SCN11A: variants seen among roughly 807,000 people sequenced by gnomAD.
The protein encoded by SCN11A is sodium voltage-gated channel alpha subunit 11, also known as sodium channel protein type 11 subunit alpha.
SCN11A carries 122 observed loss-of-function variants against 162.2 expected under a neutral mutation model. The ratio of observed to expected loss-of-function variants is 0.75; its 90% CI spans 0.65 to 0.87. The LOEUF (loss-of-function observed/expected upper bound fraction) is 0.87. Among genes scored for constraint, SCN11A ranks in the 40% least tolerant of loss-of-function variants. The pLI, the probability that SCN11A is intolerant of heterozygous loss-of-function variation, is 0.00. For synonymous variants in SCN11A, 758 were observed against 751.5 expected (o/e 1.01, Z -0.14); for missense variants, 2,015 against 2,181.6 (o/e 0.92, Z 1.52).
intron 11 of SCN11A, among the ~76,000 whole-genome samples, chr3:38,918,332 T>C (rs2065993226): frequency 6.6e-6 from 1 of 152,314 alleles, no homozygotes; most frequent in South Asian, 2.1e-4. Context: ...TGCTAGGAAC[T>C]AGGCTGTACA....
At chr3:39,025,890 G>C (rs1037827111) in intron 2 of SCN11A, 2 of 152,124 alleles carry the variant, frequency 1.3e-5, no homozygotes, top group Non-Finnish European at 2.9e-5. Context: ...AAACGCTTCT[G>C]ACAGTTCTAT....
intron 21 of SCN11A, among the ~76,000 whole-genome samples, chr3:38,883,613 C>T (rs1406870416): frequency 6.6e-6 from 1 of 152,140 alleles, no homozygotes; most frequent in African/African-American, 2.4e-5. Flanking sequence ...GTTCTGAGCC[C>T]AGGTCTTGAA....
At chr3:38,867,295 CA>C in intron 27 of SCN11A, 25 bp downstream of exon 27, 2 of 1,600,498 alleles carry the variant, frequency 1.2e-6, no homozygotes, top group South Asian at 2.3e-5. Context: ...ATAAAATTAC[CA>C]AATCAAGACA....
intron 2 of SCN11A, among the ~76,000 whole-genome samples, chr3:38,997,492 CTTTATT>C (rs1575352401): frequency 3.3e-5 from 5 of 152,332 alleles, no homozygotes; most frequent in African/African-American, 1.2e-4. Flanking sequence ...TCATGCTATG[CTTTATT>C]TTTATTTTTC....
intron 15 of SCN11A, 101 bp from the exon 16 acceptor site, chr3:38,904,204 G>C: frequency 1.5e-6 from 1 of 674,210 alleles, no homozygotes; most frequent in Non-Finnish European, 2.5e-6. Flanking sequence ...AGGGCCTCCT[G>C]ATACATGATC....
chr3:38,968,671 C>T (rs1346935777), intron 2 of SCN11A, among the ~76,000 whole-genome samples: 1 of 152,092 alleles, frequency 6.6e-6, no homozygotes, highest in East Asian at 1.9e-4. Context: ...CACACAAGCA[C>T]ACACATACAC....
chr3:38,913,377 A>T (rs2065913065), intron 11 of SCN11A, among the ~76,000 whole-genome samples: 1 of 152,124 alleles, frequency 6.6e-6, no homozygotes, highest in African/African-American at 2.4e-5. Flanking sequence ...TGAATATCAG[A>T]CCTTTAACAG....
chr3:38,945,606 C>CTGCAGGTGCATCTATCTTCTGACT lies in SCN11A; in HGVS notation c.387-118_387-95dup, dbSNP rs2066505181. The CTGCAGGTGCATCTATCTTCTGACT allele has an allele frequency of 8.4e-5, 59 of 702,184 alleles. No homozygotes were observed. The East Asian group carries it at 1.7e-3, about 20-fold the overall frequency. 43.5% of individuals were successfully genotyped at this position (702,184 alleles called of 1,614,324 possible). ...GGGGTGCCCCTGATGGTCCCCTTTT[C>CTGCAGGTGCATCTATCTTCTGACT]TGCAGGTGCATCTATCTTCTGACTG... On this transcript the variant is annotated intron_variant, in intron 6 of 29. Transcript: ENST00000302328.
rs1559580407 is a variant in SCN11A, at chr3:39,032,516, A to G, written c.-403-13T>C. ...GCACTGGGACAATCTGAAAACAACA[A>G]CAACAACAAAAAAAACAAGCTTTAT... On this transcript the variant is annotated splice_polypyrimidine_tract_variant and intron_variant, in intron 1 of 29. Coordinates refer to ENST00000302328, the MANE Select transcript of SCN11A (RefSeq NM_001349253.2). 2.0e-5 allele frequency among the ~76,000 whole-genome samples: 3 copies of G among 149,634 alleles called. No individual in the cohort carries two copies. Among genetic ancestry groups the G allele is most frequent in the Non-Finnish European group, 4.5e-5 (3 of 66,814 alleles).
chr3:38,920,194 G>A (rs1466606179), intron 10 of SCN11A, among the ~76,000 whole-genome samples, 193 bp from the exon 11 acceptor site: 1 of 152,082 alleles, frequency 6.6e-6, no homozygotes, highest in Non-Finnish European at 1.5e-5. Flanking sequence ...AAAAGAAGAA[G>A]GAAGGAGAAG....
chr3:38,889,585 G>A (rs1353432142), intron 19 of SCN11A, among the ~76,000 whole-genome samples: 1 of 151,832 alleles, frequency 6.6e-6, no homozygotes, highest in East Asian at 1.9e-4. Flanking sequence ...AGATCACGAG[G>A]TCAGGAGATC....
rs1386590830 is a variant in SCN11A, at chr3:38,870,803, C to T, written c.3760-59G>A. ...AATGTAGACTTGCCATCAACAGATACATGGCATGGAAAAGCAGGTGAGGCC... is the reference window on the plus strand; with the variant it reads ...AATGTAGACTTGCCATCAACAGATATATGGCATGGAAAAGCAGGTGAGGCC... On this transcript the variant is annotated intron_variant, in intron 25 of 29. Transcript: ENST00000302328. The T allele has an allele frequency of 6.1e-6, 9 of 1,482,394 alleles. No homozygotes were observed. In the South Asian group the frequency reaches 9.1e-5, roughly 15 times the overall value. The allele number at this position is 1,482,394 out of a possible 1,614,324, so 91.8% of individuals were successfully genotyped here.
At chr3:39,019,364 C>T (rs1335240811) in intron 2 of SCN11A, among the ~76,000 whole-genome samples, 1 of 152,138 alleles carries the variant, frequency 6.6e-6, no homozygotes, top group Non-Finnish European at 1.5e-5. Context: ...CAATTACCAG[C>T]AAGCACTACT....
At position 38,889,403 on chromosome 3, in the gene SCN11A, T is replaced by A. The variant is rs1232918358; in HGVS notation, c.2836-3165A>T. ...TTGTGCCGTTGCACTCCAGCCTGGG[T>A]GGCAAGAGCAAAACTCCGCCTCAAA... On this transcript the variant is annotated intron_variant, in intron 19 of 29. Coordinates refer to ENST00000302328, the MANE Select transcript of SCN11A (RefSeq NM_001349253.2). Among the ~76,000 whole-genome samples the A allele has an allele frequency of 1.3e-5, 2 of 148,696 alleles. 1 individual carries two copies.
chr3:38,895,585 T>C (rs886879279), intron 18 of SCN11A, among the ~76,000 whole-genome samples: 3 of 152,222 alleles, frequency 2.0e-5, no homozygotes, highest in Non-Finnish European at 4.4e-5. Context: ...TAATTCATCA[T>C]CTTTACCTCC....
At chr3:38,877,782 A>G (rs928400931) in intron 23 of SCN11A, among the ~76,000 whole-genome samples, 26 of 135,614 alleles carry the variant, frequency 1.9e-4, no homozygotes, top group African/African-American at 3.0e-5. Context: ...TGGTGTATAT[A>G]CCATATATAT....
chr3:39,034,484 A>C (rs2031849746), intron 1 of SCN11A, among the ~76,000 whole-genome samples: 1 of 152,170 alleles, frequency 6.6e-6, no homozygotes. Flanking sequence ...TATACAACAG[A>C]CCTATGTCAG....
At chr3:38,908,523 G>A (rs1288962662) in intron 13 of SCN11A, among the ~76,000 whole-genome samples, 1 of 152,130 alleles carries the variant, frequency 6.6e-6, no homozygotes, top group Non-Finnish European at 1.5e-5. Flanking sequence ...TGAGACTTGA[G>A]CTGGAAGAAT....
At chr3:39,029,291 T>C (rs1293218025) in intron 2 of SCN11A, among the ~76,000 whole-genome samples, 1 of 152,180 alleles carries the variant, frequency 6.6e-6, no homozygotes, top group Non-Finnish European at 1.5e-5. Flanking sequence ...AGGTAAAAAA[T>C]TATATCTATA....
Sources: gnomAD v4.1 joint callset for allele counts (sites outside exome capture counted in the v4.1 genomes callset) on GRCh38, gnomAD v4.1.1 for gene constraint, MANE v1.5 for transcripts, NCBI Gene and HGNC (gene_info 2026-07-23, HGNC 2026-07-21) for gene names.